Variants in TRRAP observed in about 807,000 individuals in gnomAD.
TRRAP encodes the protein transformation/transcription domain associated protein.
In TRRAP, 41 loss-of-function variants were observed where a neutral mutation model predicts 438.8. That is an observed-to-expected ratio of 0.09 (90% CI 0.07 to 0.12). TRRAP has a LOEUF of 0.12. Among genes scored for constraint, TRRAP ranks in the 10% least tolerant of loss-of-function variants. The pLI is 1.00. For missense variants in TRRAP, 3,122 were observed against 5,055.1 expected (o/e 0.62, Z 11.60); for synonymous variants, 1,994 against 1,962.9 (o/e 1.02, Z -0.42).
chr7:98,956,100 G>A lies in TRRAP; in HGVS notation c.5938-46G>A, dbSNP rs1554419648. 4 of 1,511,630 alleles carry A rather than the reference G, an allele frequency of 2.6e-6. No individual in the cohort carries two copies. Among genetic ancestry groups the A allele is most frequent in the East Asian group, 4.7e-5 (2 of 42,568 alleles). The allele number at this position is 1,511,630 out of a possible 1,614,324, so 93.6% of individuals were successfully genotyped here. ...GTGCGCACACGTGCATGCACTGTGGGACCAAGCTCCCATGTTCCGGCGTGA... is the reference window on the plus strand; with the variant it reads ...GTGCGCACACGTGCATGCACTGTGGAACCAAGCTCCCATGTTCCGGCGTGA... On this transcript the variant is annotated intron_variant, in intron 41 of 72. Coordinates refer to ENST00000456197, the MANE Select transcript of TRRAP (RefSeq NM_001375524.1). This position sits in a 1 kb window ranked among gnomAD's most constrained non-coding sequence, Gnocchi z 4.5.
chr7:98,988,809 A>T lies in TRRAP; in HGVS notation c.9434A>T (p.His3145Leu). Residue 3145 changes from histidine to leucine, a missense_variant, in exon 63 of 73, where the codon CAC becomes CTC. His to Leu is a moderately conservative substitution (Grantham distance 99). Transcript: ENST00000456197. ...GCCTTCTCTGCAGCTGTGCAGATGC[A>T]CGATGTGCTGGTGAAAGCCTGGGCC... ...NKAFSAAVQM[H>L]DVLVKAWAMW... 6.2e-7 allele frequency: 1 copy of T among 1,614,198 alleles called. No individual in the cohort carries two copies. Among genetic ancestry groups the T allele is most frequent in the East Asian group, 2.2e-5 (1 of 44,890 alleles).
chr7:98,896,274 T>G (rs1796199962), intron 7 of TRRAP, among the ~76,000 whole-genome samples: 1 of 152,174 alleles, frequency 6.6e-6, no homozygotes, highest in Non-Finnish European at 1.5e-5. Context: ...TTATAAGCAG[T>G]GCCACAATAT....
chr7:98,882,200 C>T (rs368570948), intron 3 of TRRAP, among the ~76,000 whole-genome samples, 176 bp downstream of exon 3: 9 of 152,246 alleles, frequency 5.9e-5, no homozygotes, highest in East Asian at 1.9e-4. Context: ...TCCATCTTCA[C>T]GCTGGTGATA....
In TRRAP at chr7:99,012,222, C is replaced by A. The variant is rs747188982; in HGVS notation, c.11489C>A (p.Thr3830Asn). The A allele has an allele frequency of 6.2e-7, 1 of 1,614,164 alleles. No individual in the cohort carries two copies. Among genetic ancestry groups the A allele is most frequent in the Non-Finnish European group, 8.5e-7 (1 of 1,180,018 alleles). Residue 3830 changes from threonine to asparagine, a missense_variant, in exon 73 of 73, where the codon ACC becomes AAC. By Grantham distance (65) the Thr-to-Asn change is moderately conservative. Transcript: ENST00000456197. This position sits in a 1 kb window ranked among gnomAD's most constrained non-coding sequence, Gnocchi z 5.9. Reference protein sequence around the residue: ...QLVSLVQKAVTAIMTRLHNLA... With the variant: ...QLVSLVQKAVNAIMTRLHNLA... ...GTGTCCCTGGTTCAGAAAGCCGTCA[C>A]CGCCATCATGACCCGCCTGCACAAC...
chr7:98,935,785 G>A, intron 28 of TRRAP, 110 bp downstream of exon 28: 2 of 786,516 alleles, frequency 2.5e-6, no homozygotes, highest in South Asian at 3.0e-5. Context: ...ATGACTTTTT[G>A]TAGTCTTTTT....
At chr7:99,002,940 A>AAATTATTCCCGTTCCT (rs1194217615) in intron 67 of TRRAP, among the ~76,000 whole-genome samples, 1 of 152,156 alleles carries the variant, frequency 6.6e-6, no homozygotes, top group Non-Finnish European at 1.5e-5. Flanking sequence ...GGCAGGTGTT[A>AAATTATTCCCGTTCCT]AATTATTCCC....
chr7:98,988,050 G>T (rs1584396121), intron 62 of TRRAP, among the ~76,000 whole-genome samples: 1 of 152,078 alleles, frequency 6.6e-6, no homozygotes, highest in East Asian at 1.9e-4. Flanking sequence ...AATCCCACTT[G>T]GTCATGATGG....
intron 58 of TRRAP, among the ~76,000 whole-genome samples, chr7:98,981,211 G>C (rs1249980162): frequency 1.3e-5 from 2 of 152,198 alleles, no homozygotes; most frequent in African/African-American, 2.4e-5. Context: ...AGACCAGCCT[G>C]ACCAACATGG....
At chr7:98,918,066 A>T (rs1440944976) in intron 20 of TRRAP, among the ~76,000 whole-genome samples, 1 of 151,284 alleles carries the variant, frequency 6.6e-6, no homozygotes, top group Non-Finnish European at 1.5e-5. Flanking sequence ...GGCTGCAGCG[A>T]GGCATGATCA....
chr7:98,921,726 C>T (rs782483411), intron 20 of TRRAP, 27 bp from the exon 21 acceptor site: 2 of 1,613,232 alleles, frequency 1.2e-6, no homozygotes, highest in Admixed American at 1.7e-5. Flanking sequence ...CTTAAGAGGA[C>T]CTTAATGAAA....
Position 98,937,619 on chromosome 7 carries a change from A to G in TRRAP, c.4234-31A>G, listed in dbSNP as rs782505452. The G allele has an allele frequency of 3.8e-6, 6 of 1,583,068 alleles. No individual in the cohort carries two copies. In the East Asian group the frequency reaches 9.0e-5, roughly 24 times the overall value. ...TATTATGAAGTGTCCTCAGTTGTCT[A>G]TTTTTCTTTACAACTTTTCTTTTTT... On this transcript the variant is annotated intron_variant, in intron 29 of 72. Coordinates refer to ENST00000456197, the MANE Select transcript of TRRAP (RefSeq NM_001375524.1).
At position 98,970,095 on chromosome 7, in the gene TRRAP, T is replaced by C; in HGVS notation, c.7513-17T>C. ...CGCGCATGCCTTGGGTCTGTCTCCT[T>C]TCCGCACCCCTTGCAGCTGCTTCTG... On this transcript the variant is annotated splice_polypyrimidine_tract_variant and intron_variant, in intron 51 of 72. Coordinates refer to ENST00000456197, the MANE Select transcript of TRRAP (RefSeq NM_001375524.1). 1 of 1,612,782 alleles carries C rather than the reference T, an allele frequency of 6.2e-7. No individual in the cohort carries two copies. The highest frequency in any genetic ancestry group is 8.5e-7 in the Non-Finnish European group (1 of 1,179,374).
intron 51 of TRRAP, 129 bp downstream of exon 51, chr7:98,967,827 T>G (rs1176976726): frequency 1.2e-6 from 1 of 815,870 alleles, no homozygotes; most frequent in East Asian, 2.7e-5. Flanking sequence ...CTGCTTCTGA[T>G]CTCCAGGAAG....
At chr7:98,891,289 G>A (rs1795969606) in intron 4 of TRRAP, among the ~76,000 whole-genome samples, 2 of 144,026 alleles carry the variant, frequency 1.4e-5, no homozygotes, top group Non-Finnish European at 3.0e-5. Flanking sequence ...TCAGCTCACT[G>A]CAACCTCTGC....
rs371986022 is a variant in TRRAP at position 98,994,604 on chromosome 7, A to T, written c.10065A>T (p.Gln3355His). Residue 3355 changes from glutamine (Q) to histidine (H), a missense_variant, in exon 67 of 73, where the codon CAA becomes CAT. Gln to His is a conservative substitution (Grantham distance 24, BLOSUM62 0). Coordinates refer to ENST00000456197, the MANE Select transcript of TRRAP (RefSeq NM_001375524.1). The surrounding 1 kb of genome is among the most constrained non-coding windows in gnomAD (Gnocchi z 4.8). ...TCTACCAGGTTCTCAGGCAGCTCCAACAGGGCCTGGCGAAATGTTACTCCG... is the reference window on the plus strand; with the variant it reads ...TCTACCAGGTTCTCAGGCAGCTCCATCAGGGCCTGGCGAAATGTTACTCCG... The part of the protein sequence containing the change: ...NWHEEVLRQL[Q>H]QGLAKCYSVA... 1 of 1,614,106 alleles carries T rather than the reference A, an allele frequency of 6.2e-7. No homozygotes were observed. The highest frequency in any genetic ancestry group is 1.1e-5 in the South Asian group (1 of 91,074).
chr7:98,921,998 T>C, intron 21 of TRRAP, 45 bp downstream of exon 21: 1 of 1,612,058 alleles, frequency 6.2e-7, no homozygotes, highest in South Asian at 1.1e-5. Flanking sequence ...CTTGTGAAGA[T>C]ACTATGTTTC....
rs544959910 is a variant in TRRAP at position 98,989,879 on chromosome 7, C to T, written c.9592-576C>T. Among the ~76,000 whole-genome samples the T allele has an allele frequency of 5.3e-5, 8 of 152,290 alleles. 1 individual carries two copies. Among genetic ancestry groups the T allele is most frequent in the South Asian group, 2.1e-4 (1 of 4,812 alleles). ...CATCTTCCTGTTGCTGTCTTGCAGT[C>T]GGTCACTGGTCAGTGCTAGTCAGTG... On this transcript the variant is annotated intron_variant, in intron 63 of 72. Transcript: ENST00000456197.
rs993076957 is a variant in TRRAP, at chr7:98,895,984, A to G, written c.507+164A>G. Among the ~76,000 whole-genome samples, 5 of 152,352 alleles carry G rather than the reference A, an allele frequency of 3.3e-5. No homozygotes were observed. The South Asian group carries it at 8.3e-4, about 25-fold the overall frequency. ...TAAAAACTGGGTTGATAAGTCAGCC[A>G]TTCAAAAAAGTAGCTTTTTTAGTTT... On this transcript the variant is annotated intron_variant, in intron 7 of 72. Transcript: ENST00000456197.
Position 98,908,932 on chromosome 7 carries a change from T to C in TRRAP, c.1320T>C (p.Asn440=). ...IRSKSEQESG[N]GRDVLMRMLE... ...CCAAGAGCGAGCAGGAGAGTGGCAA[T>C]GGGAGAGACGTCCTGATGCGGATGC... Residue 440 remains asparagine, a synonymous_variant, in exon 14 of 73, where the codon AAT becomes AAC. Transcript: ENST00000456197. The surrounding 1 kb of genome is among the most constrained non-coding windows in gnomAD (Gnocchi z 4.1). The C allele has an allele frequency of 6.2e-7, 1 of 1,613,682 alleles. No individual in the cohort carries two copies. Among genetic ancestry groups the C allele is most frequent in the Non-Finnish European group, 8.5e-7 (1 of 1,179,900 alleles).
Sources: gnomAD v4.1 joint callset for allele counts (sites outside exome capture counted in the v4.1 genomes callset) on GRCh38, gnomAD v4.1.1 for gene constraint, Gnocchi (gnomAD v3.1) non-coding constraint, MANE v1.5 for transcripts, NCBI Gene and HGNC (gene_info 2026-07-23, HGNC 2026-07-21) for gene names.